ABCA13: variants seen among roughly 807,000 people sequenced by gnomAD.
ABCA13 encodes ATP binding cassette subfamily A member 13, also known as ATP-binding cassette sub-family A member 13.
In ABCA13, 476 loss-of-function variants were observed where a neutral mutation model predicts 478.7. The observed-to-expected ratio is 0.99, with a 90% confidence interval of 0.92 to 1.07. The LOEUF (loss-of-function observed/expected upper bound fraction) is 1.07. Ranked by LOEUF, ABCA13 falls within the 50% of genes least tolerant of loss-of-function variation. The pLI is 0.00. For missense variants in ABCA13, 6,060 were observed against 5,910.6 expected (o/e 1.03, Z -0.83); for synonymous variants, 2,252 against 2,158.9 (o/e 1.04, Z -1.20).
chr7:48,336,785 ATCT>A (rs1806334444), intron 28 of ABCA13, among the ~76,000 whole-genome samples: 1 of 152,200 alleles, frequency 6.6e-6, no homozygotes. Context: ...TAGTATTGTA[ATCT>A]TCTTTAATTT....
chr7:48,508,085 A>C (rs1178739112), intron 50 of ABCA13, 36 bp downstream of exon 50: 2 of 1,613,358 alleles, frequency 1.2e-6, no homozygotes, highest in African/African-American at 1.3e-5. Context: ...GTGCCTCCAC[A>C]ATAGTGATCT....
intron 3 of ABCA13, among the ~76,000 whole-genome samples, chr7:48,198,879 G>A (rs913827546): frequency 3.3e-5 from 5 of 152,190 alleles, no homozygotes; most frequent in African/African-American, 1.2e-4. Context: ...GCTGAGCTAT[G>A]CCTGTGGTTG....
intron 48 of ABCA13, among the ~76,000 whole-genome samples, chr7:48,505,039 G>T (rs141985732): frequency 2.0e-5 from 3 of 152,290 alleles, no homozygotes; most frequent in African/African-American, 7.2e-5. Flanking sequence ...TCCAGGAAGC[G>T]ATGCAGCAGG....
chr7:48,438,235 C>A (rs975199791), intron 42 of ABCA13, among the ~76,000 whole-genome samples: 8 of 152,224 alleles, frequency 5.3e-5, no homozygotes, highest in African/African-American at 1.9e-4. Flanking sequence ...TTGACCCCAC[C>A]AATATGGGAA....
intron 13 of ABCA13, among the ~76,000 whole-genome samples, chr7:48,247,010 A>G (rs1791799190): frequency 6.6e-6 from 1 of 152,254 alleles, no homozygotes; most frequent in African/African-American, 2.4e-5. Flanking sequence ...CTAGGTGGGC[A>G]GATCGTTTGA....
At chr7:48,334,627 G>A (rs1213793333) in intron 27 of ABCA13, among the ~76,000 whole-genome samples, 3 of 152,132 alleles carry the variant, frequency 2.0e-5, no homozygotes, top group Non-Finnish European at 4.4e-5. Flanking sequence ...GAGCCAGCAC[G>A]CCCGGCCTCT....
intron 41 of ABCA13, among the ~76,000 whole-genome samples, chr7:48,421,452 T>C (rs983633005): frequency 6.6e-6 from 1 of 152,236 alleles, no homozygotes; most frequent in Non-Finnish European, 1.5e-5. Context: ...TTCTACTCAA[T>C]GAGTTACAAT....
Position 48,389,083 on chromosome 7 carries a change from C to T in ABCA13, c.11517C>T (p.Ala3839=), listed in dbSNP as rs979658777. Reference sequence around the variant, plus strand: ...GGGAAGGAGAGCTTGAAGGAAGTGCCCCGGGAGTCACCCTGGTGTCTGTGA... The same window carrying T: ...GGGAAGGAGAGCTTGAAGGAAGTGCTCCGGGAGTCACCCTGGTGTCTGTGA... ...QNREGELEGS[A]PGVTLVSVTK... is the part of the protein sequence containing the mutation. The change falls in exon 37 of 62, where the codon GCC becomes GCT. Residue 3839 remains alanine (A), a synonymous_variant. Coordinates refer to ENST00000435803, the MANE Select transcript of ABCA13 (RefSeq NM_152701.5). 1 of 1,613,744 alleles carries T rather than the reference C, an allele frequency of 6.2e-7. No individual in the cohort carries two copies. The highest frequency in any genetic ancestry group is 1.3e-5 in the African/African-American group (1 of 74,878).
intron 35 of ABCA13, 137 bp from the exon 36 acceptor site, chr7:48,387,685 A>G (rs1815399037): frequency 1.3e-6 from 1 of 759,916 alleles, no homozygotes; most frequent in Admixed American, 3.3e-5. Context: ...GCCCTGGGAT[A>G]TCACATTTTG....
chr7:48,548,312 G>T (rs1345352013), intron 55 of ABCA13, among the ~76,000 whole-genome samples: 1 of 151,766 alleles, frequency 6.6e-6, no homozygotes, highest in African/African-American at 2.4e-5. Context: ...AAAGTCCCCT[G>T]GCGGAGAAAT....
chr7:48,443,834 TC>T (rs1823940997), intron 42 of ABCA13, among the ~76,000 whole-genome samples: 1 of 152,086 alleles, frequency 6.6e-6, no homozygotes, highest in Admixed American at 6.5e-5. Flanking sequence ...AATAAATCCA[TC>T]CACCTCCCAC....
intron 3 of ABCA13, among the ~76,000 whole-genome samples, chr7:48,202,664 T>TCAG (rs1798945979): frequency 8.2e-6 from 1 of 121,614 alleles, no homozygotes; most frequent in Non-Finnish European, 1.7e-5. Context: ...AGGCCCCACC[T>TCAG]GAGCAGCTAG....
Position 48,387,879 on chromosome 7 carries a change from G to A in ABCA13, c.11393G>A (p.Ser3798Asn). The change falls in exon 36 of 62, where the codon AGT (serine) becomes AAT (asparagine). Residue 3798 changes from serine to asparagine, a missense_variant. By Grantham distance (46) the Ser-to-Asn change is conservative. This residue lies in a region of ABCA13 where 1,627 missense variants were observed against 1,571.0 expected (regional missense o/e 1.04). Transcript: ENST00000435803. ...CCCTTTACTGCCTCATATTGGAAGA[G>A]TGTGGGTTTCTTGGTGGAGAAAAGG... ...YFPFTASYWK[S>N]VGFLVEKRQY... 5 of 1,612,622 alleles carry A rather than the reference G, an allele frequency of 3.1e-6. No individual in the cohort carries two copies. Among genetic ancestry groups the A allele is most frequent in the Non-Finnish European group, 4.2e-6 (5 of 1,179,316 alleles).
In ABCA13 at chr7:48,309,974, C is replaced by G. The variant is rs199645353; in HGVS notation, c.9349C>G (p.Leu3117Val). 3.7e-6 allele frequency: 6 copies of G among 1,613,874 alleles called. No individual in the cohort carries two copies. The highest frequency in any genetic ancestry group is 5.1e-6 in the Non-Finnish European group (6 of 1,179,790). The change falls in exon 24 of 62, where the codon CTG becomes GTG. Residue 3117 changes from leucine to valine, a missense_variant. By Grantham distance (32) the Leu-to-Val change is conservative. Around this residue, in one of 3 missense-constraint regions of ABCA13, gnomAD observed 4,423 missense variants for 4,309.1 expected, o/e 1.03. Coordinates refer to ENST00000435803, the MANE Select transcript of ABCA13 (RefSeq NM_152701.5). ...TCTCTTCAGTGCCCTCACCGTAGCT[C>G]TGTCTGGAAAGTGTGATCAGGAAAT... Reference protein sequence around the residue: ...KVLFSALTVALSGKCDQEILH... With the variant: ...KVLFSALTVAVSGKCDQEILH...
At chr7:48,423,671 T>A (rs1412024209) in intron 41 of ABCA13, among the ~76,000 whole-genome samples, 1 of 152,102 alleles carries the variant, frequency 6.6e-6, no homozygotes, top group Admixed American at 6.5e-5. Flanking sequence ...TCCCAAAACT[T>A]TTGAATTTAC....
chr7:48,504,553 A>G (rs983126973), intron 48 of ABCA13, among the ~76,000 whole-genome samples: 2 of 152,070 alleles, frequency 1.3e-5, no homozygotes. Context: ...GTGTGTGTGT[A>G]TATTTAGGTT....
chr7:48,253,252 A>G (rs1792844380), intron 15 of ABCA13, among the ~76,000 whole-genome samples: 1 of 152,212 alleles, frequency 6.6e-6, no homozygotes, highest in African/African-American at 2.4e-5. Context: ...CCTGGCATCC[A>G]AACTATGCCA....
chr7:48,598,457 G>T (rs918291628), intron 58 of ABCA13, among the ~76,000 whole-genome samples: 3 of 152,202 alleles, frequency 2.0e-5, no homozygotes, highest in African/African-American at 7.2e-5. Context: ...GAATGTGATT[G>T]CTGGATCGGA....
At chr7:48,411,152 C>G (rs1205047573) in intron 40 of ABCA13, among the ~76,000 whole-genome samples, 1 of 127,432 alleles carries the variant, frequency 7.8e-6, no homozygotes, top group East Asian at 2.3e-4. Flanking sequence ...CCTTTTCTTT[C>G]TCCCCTTCCC....
Sources: gnomAD v4.1 joint callset for allele counts (sites outside exome capture counted in the v4.1 genomes callset) on GRCh38, gnomAD v4.1.1 for gene constraint, gnomAD v4.1.1 regional missense constraint, MANE v1.5 for transcripts, NCBI Gene and HGNC (gene_info 2026-07-23, HGNC 2026-07-21) for gene names.